Variants in NFATC2 observed in about 807,000 individuals in gnomAD.
NFATC2 encodes the protein nuclear factor of activated T cells 2.
Under a neutral mutation model 87.3 loss-of-function variants are expected in NFATC2, and 22 were observed. The observed-to-expected ratio is 0.25, with a 90% confidence interval of 0.18 to 0.36. The LOEUF (loss-of-function observed/expected upper bound fraction) is 0.36, where lower values mean the gene tolerates loss of function less well. Ranked by LOEUF, NFATC2 falls within the 10% of genes least tolerant of loss-of-function variation. The probability of loss-of-function intolerance (pLI) is 1.00; values close to 1 mark genes in which losing one functional copy is unlikely to be tolerated. For missense variants in NFATC2, 1,149 were observed against 1,259.1 expected (o/e 0.91, Z 1.32); for synonymous variants, 565 against 542.2 (o/e 1.04, Z -0.58).
At chr20:51,506,484 G>A (rs112100262) in intron 3 of NFATC2, among the ~76,000 whole-genome samples, 4,141 of 151,758 alleles carry the variant, frequency 0.027, 71 homozygotes, top group Middle Eastern at 0.048. Flanking sequence ...TCACCTCCCC[G>A]TGTTCCTCCC....
chr20:51,413,141 T>C (rs1349198987), intron 9 of NFATC2, among the ~76,000 whole-genome samples: 1 of 151,850 alleles, frequency 6.6e-6, no homozygotes, highest in East Asian at 1.9e-4. Context: ...TGGGCAGCAC[T>C]GCTGGCTGGA....
chr20:51,509,952 A>T (rs1299535600), intron 3 of NFATC2, among the ~76,000 whole-genome samples: 2 of 152,348 alleles, frequency 1.3e-5, no homozygotes, highest in East Asian at 3.9e-4. Flanking sequence ...GTTACCGGGA[A>T]TGAAATGGCC....
intron 5 of NFATC2, among the ~76,000 whole-genome samples, chr20:51,472,960 A>G (rs1988372350): frequency 6.6e-6 from 1 of 152,088 alleles, no homozygotes; most frequent in Non-Finnish European, 1.5e-5. Context: ...AAACTTTCAA[A>G]CACTGAGCAG....
chr20:51,515,984 G>T (rs2076345287), intron 3 of NFATC2, among the ~76,000 whole-genome samples: 1 of 152,108 alleles, frequency 6.6e-6, no homozygotes, highest in Non-Finnish European at 1.5e-5. Context: ...ACCAAAAAAA[G>T]TTATATTAAT....
chr20:51,505,864 C>T (rs1021493624), intron 3 of NFATC2, among the ~76,000 whole-genome samples: 3 of 152,120 alleles, frequency 2.0e-5, no homozygotes, highest in African/African-American at 4.8e-5. Context: ...TCAGAGGTCG[C>T]GGCATGAAAC....
At chr20:51,454,831 CT>C (rs1986229340) in intron 5 of NFATC2, 143 bp from the exon 6 acceptor site, 7 of 909,808 alleles carry the variant, frequency 7.7e-6, no homozygotes, top group Non-Finnish European at 9.9e-6. Flanking sequence ...ACCATCACCC[CT>C]GACAATCAAT....
intron 3 of NFATC2, among the ~76,000 whole-genome samples, chr20:51,508,869 C>T (rs1456358049): frequency 2.0e-5 from 3 of 152,140 alleles, no homozygotes; most frequent in African/African-American, 7.2e-5. Context: ...AGCCACCATC[C>T]CCTCTGGCCT....
At position 51,523,183 on chromosome 20, in the gene NFATC2, C is replaced by T. The variant is rs913695438; in HGVS notation, c.1058G>A (p.Gly353Glu). 6.2e-6 allele frequency: 10 copies of T among 1,614,058 alleles called. No individual in the cohort carries two copies. The highest frequency in any genetic ancestry group is 8.5e-6 in the Non-Finnish European group (10 of 1,180,034). ...RHIYPAVEFL[G>E]PCEQGERRNS... ...TCTCCTCTCGCCCTGCTCGCAGGGC[C>T]CCAGGAACTCCACGGCCGGGTAGAT... Residue 353 changes from glycine (G) to glutamate (E), a missense_variant, in exon 2 of 11, where the codon GGG becomes GAG. Around this residue, in one of 3 missense-constraint regions of NFATC2, gnomAD observed 563 missense variants for 585.2 expected, o/e 0.96. Transcript: ENST00000371564. This position sits in a 1 kb window ranked among gnomAD's most constrained non-coding sequence, Gnocchi z 6.9.
At chr20:51,492,993 G>C (rs1002743694) in intron 3 of NFATC2, among the ~76,000 whole-genome samples, 1 of 152,222 alleles carries the variant, frequency 6.6e-6, no homozygotes, top group Non-Finnish European at 1.5e-5. Flanking sequence ...GCGATCGTGT[G>C]CCTCCCAGCC....
rs746808149 is a variant in NFATC2 at position 51,391,384 on chromosome 20, T to C, written c.*112A>G. ...GTCAGATACAGAAGGTGTCTTGCTA[T>C]AATGGCTTCTTTTACGTCTGATTTC... On this transcript the variant is annotated 3_prime_UTR_variant, in exon 11 of 11. Coordinates refer to ENST00000371564, the MANE Select transcript of NFATC2 (RefSeq NM_012340.5). 3.1e-6 allele frequency: 5 copies of C among 1,604,196 alleles called. No individual in the cohort carries two copies. The highest frequency in any genetic ancestry group is 4.3e-6 in the Non-Finnish European group (5 of 1,174,722).
intron 9 of NFATC2, among the ~76,000 whole-genome samples, chr20:51,405,816 C>T (rs1295706384): frequency 6.6e-6 from 1 of 152,170 alleles, no homozygotes; most frequent in East Asian, 1.9e-4. Context: ...CAGAATTTTT[C>T]CGATCAGGTC....
At chr20:51,393,177 T>C (rs1046482811) in intron 10 of NFATC2, among the ~76,000 whole-genome samples, 2 of 152,210 alleles carry the variant, frequency 1.3e-5, no homozygotes, top group Non-Finnish European at 2.9e-5. Context: ...GCCACAAGCA[T>C]GTACATGAGA....
In NFATC2 at chr20:51,432,268, T is replaced by C. The variant is rs1032159772; in HGVS notation, c.2521A>G (p.Thr841Ala). Residue 841 changes from threonine to alanine, a missense_variant, in exon 9 of 11, where the codon ACC becomes GCC. This residue lies in a region of NFATC2 where 581 missense variants were observed against 649.7 expected (regional missense o/e 0.89). Coordinates refer to ENST00000371564, the MANE Select transcript of NFATC2 (RefSeq NM_012340.5). The surrounding 1 kb of genome is among the most constrained non-coding windows in gnomAD (Gnocchi z 4.6). The stretch of plus-strand genomic sequence containing the variant: ...ACCGGGGGCGGGCCAGGTCTGGTGG[T>C]GCCTGGTGCGAAATTCTCGCAGTAC... ...IMYCENFAPG[T>A]TRPGPPPVSQ... is the part of the protein sequence containing the mutation. 2 of 1,614,052 alleles carry C rather than the reference T, an allele frequency of 1.2e-6. No individual in the cohort carries two copies. Among genetic ancestry groups the C allele is most frequent in the African/African-American group, 2.7e-5 (2 of 74,910 alleles).
In NFATC2 at chr20:51,461,397, C is replaced by T. The variant is rs12479942; in HGVS notation, c.1709-6709G>A. Among the ~76,000 whole-genome samples the T allele has an allele frequency of 9.7e-3, 1,485 of 152,330 alleles. 52 individuals are homozygous for T. The East Asian group carries it at 0.13, about 13-fold the overall frequency. Reference sequence around the variant, plus strand: ...TCTTTGAGGGCCTGGCTCAGGCCTGCGGGTGAAGTCTTGACCTCTGCTCCA... The same window carrying T: ...TCTTTGAGGGCCTGGCTCAGGCCTGTGGGTGAAGTCTTGACCTCTGCTCCA... On this transcript the variant is annotated intron_variant, in intron 5 of 10. Coordinates refer to ENST00000371564, the MANE Select transcript of NFATC2 (RefSeq NM_012340.5).
chr20:51,468,854 T>C (rs1485067703), intron 5 of NFATC2, among the ~76,000 whole-genome samples: 1 of 152,078 alleles, frequency 6.6e-6, no homozygotes, highest in Non-Finnish European at 1.5e-5. Context: ...GGGCCTTGGA[T>C]GAGGAGGGGT....
intron 5 of NFATC2, among the ~76,000 whole-genome samples, chr20:51,469,076 G>T (rs1384341100): frequency 1.3e-5 from 2 of 151,578 alleles, no homozygotes; most frequent in African/African-American, 4.9e-5. Flanking sequence ...AAGCTGGAGT[G>T]CAGTGGTGCA....
At position 51,389,673 on chromosome 20, in the gene NFATC2, AC is replaced by A. The variant is rs1351836526; in HGVS notation, c.*1822del. Reference sequence around the variant, plus strand: ...AAAAATAAATGCTAGGTATCGACCGACAGGTTGCATACAAGTGCACAGGCCC... The same window carrying A: ...AAAAATAAATGCTAGGTATCGACCGAAGGTTGCATACAAGTGCACAGGCCC... On this transcript the variant is annotated 3_prime_UTR_variant, in exon 11 of 11. Transcript: ENST00000371564. 1 of 152,198 alleles carries A rather than the reference AC, an allele frequency of 6.6e-6. No individual in the cohort carries two copies. The highest frequency in any genetic ancestry group is 1.9e-4 in the East Asian group (1 of 5,198). The allele number at this position is 152,198 out of a possible 1,614,324, so 9.4% of individuals were successfully genotyped here. A position where few individuals can be genotyped will look rare whatever the true frequency, so the allele number is the denominator to read the frequency against.
At chr20:51,450,084 C>T (rs1473395765) in intron 6 of NFATC2, among the ~76,000 whole-genome samples, 8 of 152,170 alleles carry the variant, frequency 5.3e-5, no homozygotes, top group Non-Finnish European at 1.0e-4. Flanking sequence ...AAGCACCCAA[C>T]GTGTATAATC....
At chr20:51,510,746 C>T (rs2076260333) in intron 3 of NFATC2, among the ~76,000 whole-genome samples, 1 of 152,182 alleles carries the variant, frequency 6.6e-6, no homozygotes, top group South Asian at 2.1e-4. Context: ...CTCAGCCTCC[C>T]AAGTAGCTGG....
Sources: allele counts gnomAD v4.1 joint callset (sites outside exome capture counted in the v4.1 genomes callset), GRCh38; gene constraint gnomAD v4.1.1; regional missense constraint gnomAD v4.1.1; non-coding constraint Gnocchi (gnomAD v3.1); transcripts MANE v1.5; gene names NCBI Gene and HGNC (gene_info 2026-07-23, HGNC 2026-07-21).